The following ARHGAP10 variants were observed in gnomAD, a reference collection of about 807,000 sequenced individuals.
The protein encoded by ARHGAP10 is rho GTPase-activating protein 10.
Under a neutral mutation model 108.6 loss-of-function variants are expected in ARHGAP10, and 87 were observed. The ratio of observed to expected loss-of-function variants is 0.80; its 90% CI spans 0.67 to 0.96. The LOEUF (loss-of-function observed/expected upper bound fraction) is 0.96, where lower values mean the gene tolerates loss of function less well. ARHGAP10 is among the 40% of genes least tolerant of loss of function. The probability of loss-of-function intolerance (pLI) is 0.00; values close to 1 mark genes in which losing one functional copy is unlikely to be tolerated. For synonymous variants in ARHGAP10, 347 were observed against 341.1 expected (o/e 1.02, Z -0.19); for missense variants, 939 against 954.5 (o/e 0.98, Z 0.21).
At chr4:148,038,601 GCATCATTAGAAGAGACA>G (rs1728483741) in intron 19 of ARHGAP10, among the ~76,000 whole-genome samples, 1 of 152,142 alleles carries the variant, frequency 6.6e-6, no homozygotes, top group South Asian at 2.1e-4. Flanking sequence ...CTTGGGTACA[GCATCATTAGAAGAGACA>G]CATCATTTGG....
chr4:147,826,592 A>T (rs1053779562), intron 3 of ARHGAP10, among the ~76,000 whole-genome samples: 1 of 152,170 alleles, frequency 6.6e-6, no homozygotes, highest in Non-Finnish European at 1.5e-5. Context: ...GGAAAATTTC[A>T]AACATGTACC....
intron 18 of ARHGAP10, among the ~76,000 whole-genome samples, chr4:148,010,706 G>A (rs1463829293): frequency 6.6e-6 from 1 of 152,090 alleles, no homozygotes; most frequent in Non-Finnish European, 1.5e-5. Flanking sequence ...GACTCTAATT[G>A]TGGCCCGTAG....
intron 4 of ARHGAP10, chr4:147,854,686 C>G: frequency 1.0e-6 from 1 of 982,072 alleles, no homozygotes. Flanking sequence ...CACAAGAAAT[C>G]ATATGAGCAC....
At chr4:147,767,435 CATGTCTAGT>C (rs1729881521) in intron 1 of ARHGAP10, among the ~76,000 whole-genome samples, 1 of 151,514 alleles carries the variant, frequency 6.6e-6, no homozygotes. Context: ...AGTTTCCCTG[CATGTCTAGT>C]ATCAGAATTT....
At chr4:147,826,894 G>A (rs191653336) in intron 3 of ARHGAP10, among the ~76,000 whole-genome samples, 158 of 151,844 alleles carry the variant, frequency 1.0e-3, no homozygotes, top group Admixed American at 2.8e-3. Flanking sequence ...CCCAAGCCCC[G>A]CCCTCAATAA....
rs137869195 is a variant in ARHGAP10 at position 147,757,088 on chromosome 4, G to T, written c.154+24633G>T. On this transcript the variant is annotated intron_variant, in intron 1 of 22. Transcript: ENST00000336498. ...GCTATAGTGGCTTCTTTAAATTTACGGAAAAATATAAATCAAAGATGATAA... is the reference window on the plus strand; with the variant it reads ...GCTATAGTGGCTTCTTTAAATTTACTGAAAAATATAAATCAAAGATGATAA... Among the ~76,000 whole-genome samples the T allele has an allele frequency of 3.9e-3, 586 of 151,806 alleles. 4 individuals carry two copies. The highest frequency in any genetic ancestry group is 0.013 in the African/African-American group (547 of 41,384).
chr4:147,801,165 C>T (rs1019153993), intron 1 of ARHGAP10, among the ~76,000 whole-genome samples: 2 of 152,148 alleles, frequency 1.3e-5, no homozygotes. Flanking sequence ...CAAAATTTAG[C>T]ATTTATTTTT....
chr4:147,775,072 G>A (rs1364448669), intron 1 of ARHGAP10, among the ~76,000 whole-genome samples: 3 of 151,946 alleles, frequency 2.0e-5, no homozygotes, highest in Non-Finnish European at 4.4e-5. Flanking sequence ...TCGCCACCAC[G>A]CCTGGCTAAT....
At chr4:147,910,927 C>G (rs550681077) in intron 12 of ARHGAP10, among the ~76,000 whole-genome samples, 62 of 152,064 alleles carry the variant, frequency 4.1e-4, no homozygotes, top group African/African-American at 1.4e-3. Flanking sequence ...GAGGCACCTT[C>G]TTACCCCTCT....
At chr4:147,802,640 C>T (rs1021475647) in intron 1 of ARHGAP10, among the ~76,000 whole-genome samples, 3 of 152,348 alleles carry the variant, frequency 2.0e-5, no homozygotes, top group South Asian at 2.1e-4. Flanking sequence ...AGCTCTGCTT[C>T]GCAGGAAACC....
intron 3 of ARHGAP10, among the ~76,000 whole-genome samples, chr4:147,823,706 G>A (rs921094147): frequency 2.6e-5 from 4 of 152,030 alleles, no homozygotes; most frequent in Non-Finnish European, 4.4e-5. Flanking sequence ...GCAGTGAGCC[G>A]AGATTGTGCC....
intron 13 of ARHGAP10, among the ~76,000 whole-genome samples, chr4:147,919,848 G>A (rs1174431551): frequency 6.6e-6 from 1 of 152,110 alleles, no homozygotes; most frequent in Non-Finnish European, 1.5e-5. Flanking sequence ...TCAAAGTGCT[G>A]GGATTACAGG....
chr4:147,881,764 T>C, intron 9 of ARHGAP10, 74 bp from the exon 10 acceptor site: 1 of 1,361,606 alleles, frequency 7.3e-7, no homozygotes, highest in Non-Finnish European at 1.0e-6. Flanking sequence ...TCCCCTGCTC[T>C]CCAGTATAGA....
intron 16 of ARHGAP10, among the ~76,000 whole-genome samples, chr4:147,956,149 A>G (rs1374519314): frequency 6.6e-6 from 1 of 152,208 alleles, no homozygotes; most frequent in Non-Finnish European, 1.5e-5. Flanking sequence ...CCCTAGTTCT[A>G]CTAGCTAAAA....
rs1248506479 is a variant in ARHGAP10 at position 147,966,773 on chromosome 4, C to T, written c.1650C>T (p.Val550=). 5.6e-6 allele frequency: 9 copies of T among 1,605,030 alleles called. No homozygotes were observed. The highest frequency in any genetic ancestry group is 1.7e-4 in the Middle Eastern group (1 of 6,050). The change falls in exon 18 of 23, where the codon GTC becomes GTT. Residue 550 remains valine (V), a synonymous_variant. Coordinates refer to ENST00000336498, the MANE Select transcript of ARHGAP10 (RefSeq NM_024605.4). ...PTLMRPQEET[V]AALMDLKFQN... ...TGATGAGGCCACAGGAAGAAACTGT[C>T]GCTGCCCTCATGGACTTGAAGTTTC... is the stretch of plus-strand genomic sequence containing the variant.
chr4:147,965,008 ATT>A lies in ARHGAP10; in HGVS notation c.1451-7_1451-6del. 1.4e-5 allele frequency: 18 copies of A among 1,328,352 alleles called. No homozygotes were observed. The highest frequency in any genetic ancestry group is 3.1e-5 in the South Asian group (2 of 65,048). 82.3% of individuals were successfully genotyped at this position (1,328,352 alleles called of 1,614,324 possible). On this transcript the variant is annotated splice_polypyrimidine_tract_variant and intron_variant, in intron 16 of 22. Coordinates refer to ENST00000336498, the MANE Select transcript of ARHGAP10 (RefSeq NM_024605.4). ...TTTCTTTATTTTTTTCTTTATTATT[ATT>A]TTTTTTTTGGAAGAAAGCGGCAGCC...
intron 1 of ARHGAP10, among the ~76,000 whole-genome samples, chr4:147,817,646 T>C (rs976633108): frequency 6.6e-6 from 1 of 152,146 alleles, no homozygotes; most frequent in African/African-American, 2.4e-5. Flanking sequence ...CTACATTGTC[T>C]CTCCTATTTG....
intron 1 of ARHGAP10, among the ~76,000 whole-genome samples, chr4:147,749,925 A>G (rs548068438): frequency 6.6e-6 from 1 of 152,360 alleles, no homozygotes; most frequent in South Asian, 2.1e-4. Flanking sequence ...GTATCCAGAA[A>G]CAGAATGTAT....
At chr4:147,888,947 A>C (rs1465283520) in intron 10 of ARHGAP10, among the ~76,000 whole-genome samples, 1 of 152,216 alleles carries the variant, frequency 6.6e-6, no homozygotes, top group Non-Finnish European at 1.5e-5. Flanking sequence ...TCAGGGAATT[A>C]TAAGAAATTT....
Sources: gnomAD v4.1 joint callset for allele counts (sites outside exome capture counted in the v4.1 genomes callset) on GRCh38, gnomAD v4.1.1 for gene constraint, MANE v1.5 for transcripts, NCBI Gene and HGNC (gene_info 2026-07-23, HGNC 2026-07-21) for gene names.